The following ZMAT5 variants were observed in gnomAD, a reference collection of about 807,000 sequenced individuals.
ZMAT5 encodes zinc finger matrin-type protein 5.
ZMAT5 carries 23 observed loss-of-function variants against 28.0 expected under a neutral mutation model. The ratio of observed to expected loss-of-function variants is 0.82; its 90% CI spans 0.59 to 1.16. The LOEUF (loss-of-function observed/expected upper bound fraction) is 1.16, where lower values mean the gene tolerates loss of function less well. Among genes scored for constraint, ZMAT5 ranks in the 50% most tolerant of loss-of-function variants. The pLI is 0.00. For synonymous variants in ZMAT5, 76 were observed against 84.1 expected (o/e 0.90, Z 0.52); for missense variants, 173 against 212.7 (o/e 0.81, Z 1.16).
intron 3 of ZMAT5, among the ~76,000 whole-genome samples, chr22:29,741,220 C>T (rs1018093579): frequency 5.3e-5 from 8 of 152,190 alleles, no homozygotes; most frequent in African/African-American, 1.9e-4. Context: ...AAAGAGGCAC[C>T]AAAATCTGGG....
At chr22:29,755,622 C>T (rs1178524149) in intron 1 of ZMAT5, among the ~76,000 whole-genome samples, 1 of 152,114 alleles carries the variant, frequency 6.6e-6, no homozygotes, top group Non-Finnish European at 1.5e-5. Context: ...ATCAAGTGTC[C>T]ATTTTACAGA....
chr22:29,738,197 C>T, intron 5 of ZMAT5, 133 bp downstream of exon 5: 1 of 807,868 alleles, frequency 1.2e-6, no homozygotes, highest in Non-Finnish European at 1.9e-6. Flanking sequence ...CCTCGGGGAG[C>T]TATGTGTAGG....
At chr22:29,763,926 T>C (rs943768925) in intron 1 of ZMAT5, among the ~76,000 whole-genome samples, 3 of 152,124 alleles carry the variant, frequency 2.0e-5, no homozygotes, top group African/African-American at 7.2e-5. Flanking sequence ...CACTCCAGCC[T>C]GGGCAACAGA....
At chr22:29,732,981 T>C (rs2067866449) in intron 5 of ZMAT5, among the ~76,000 whole-genome samples, 1 of 152,282 alleles carries the variant, frequency 6.6e-6, no homozygotes, top group East Asian at 1.9e-4. Flanking sequence ...TGAAAGATCT[T>C]ACTGACCAGG....
Position 29,755,018 on chromosome 22 carries a change from G to A in ZMAT5, c.-27-6447C>T, listed in dbSNP as rs187757437. Among the ~76,000 whole-genome samples, 269 of 151,872 alleles carry A rather than the reference G, an allele frequency of 1.8e-3. 1 individual carries two copies. The highest frequency in any genetic ancestry group is 5.5e-3 in the African/African-American group (229 of 41,416). On this transcript the variant is annotated intron_variant, in intron 1 of 5. Coordinates refer to ENST00000344318, the MANE Select transcript of ZMAT5 (RefSeq NM_001003692.2). ...CCACTTTAAAATCGCAGTCAAGGCC[G>A]GGCACGGTGGCTCATGTCTGTAATC... is the stretch of plus-strand genomic sequence containing the variant.
chr22:29,759,678 G>A (rs1313234666), intron 1 of ZMAT5, among the ~76,000 whole-genome samples: 1 of 152,068 alleles, frequency 6.6e-6, no homozygotes, highest in Non-Finnish European at 1.5e-5. Context: ...GCTAAGATGG[G>A]AGGATCACTG....
intron 1 of ZMAT5, among the ~76,000 whole-genome samples, chr22:29,765,955 T>TGAC (rs747403572): frequency 1.6e-4 from 24 of 152,232 alleles, no homozygotes; most frequent in Non-Finnish European, 2.5e-4. Flanking sequence ...GCCAGGATGA[T>TGAC]GACATTAAAG....
intron 5 of ZMAT5, among the ~76,000 whole-genome samples, chr22:29,732,266 C>T (rs960120230): frequency 1.3e-5 from 2 of 152,220 alleles, no homozygotes; most frequent in African/African-American, 2.4e-5. Context: ...GCTGCCTATA[C>T]AAGACCTTTC....
intron 5 of ZMAT5, among the ~76,000 whole-genome samples, chr22:29,736,013 G>A (rs764037744): frequency 3.9e-5 from 6 of 152,194 alleles, no homozygotes; most frequent in Non-Finnish European, 8.8e-5. Context: ...TCTGTGACTC[G>A]CTCCCAGCGG....
intron 2 of ZMAT5, chr22:29,746,382 C>T (rs1655318008): frequency 6.6e-6 from 1 of 152,218 alleles, no homozygotes; most frequent in Admixed American, 6.5e-5. Flanking sequence ...CTCCTGACCT[C>T]AGGTGATCCA....
At chr22:29,757,309 T>A (rs1601729225) in intron 1 of ZMAT5, among the ~76,000 whole-genome samples, 1 of 146,880 alleles carries the variant, frequency 6.8e-6, no homozygotes, top group Non-Finnish European at 1.5e-5. Flanking sequence ...ACAGAGAGGG[T>A]GAGAGCATGC....
chr22:29,750,110 G>A (rs528634373), intron 1 of ZMAT5, among the ~76,000 whole-genome samples: 1 of 152,298 alleles, frequency 6.6e-6, no homozygotes, highest in South Asian at 2.1e-4. Context: ...TTTGTTTACT[G>A]CTGGAGCCCC....
intron 1 of ZMAT5, among the ~76,000 whole-genome samples, chr22:29,766,031 A>C (rs1030802125): frequency 1.3e-5 from 2 of 152,134 alleles, no homozygotes; most frequent in Non-Finnish European, 2.9e-5. Context: ...CAACTAGAAA[A>C]AGACAAGACT....
At chr22:29,743,366 C>T (rs1352212199) in intron 2 of ZMAT5, among the ~76,000 whole-genome samples, 2 of 152,148 alleles carry the variant, frequency 1.3e-5, no homozygotes, top group Admixed American at 6.5e-5. Context: ...TTCCGACAAT[C>T]ACTCTGTAGC....
chr22:29,765,875 T>C (rs1173241301), intron 1 of ZMAT5, among the ~76,000 whole-genome samples: 1 of 151,978 alleles, frequency 6.6e-6, no homozygotes, highest in Non-Finnish European at 1.5e-5. Flanking sequence ...CTCAAATAAA[T>C]AACCACCCAT....
chr22:29,746,724 G>T (rs1040133505), intron 2 of ZMAT5: 2 of 152,234 alleles, frequency 1.3e-5, no homozygotes, highest in African/African-American at 4.8e-5. Context: ...GGGCACTCCT[G>T]TCACCTGCTG....
chr22:29,731,380 G>A (rs368576041), intron 5 of ZMAT5, 26 bp from the exon 6 acceptor site: 34 of 1,539,518 alleles, frequency 2.2e-5, no homozygotes, highest in African/African-American at 7.2e-5. Flanking sequence ...GAAGCGGGGA[G>A]AATAAGAGTG....
chr22:29,736,135 G>A (rs1333663699), intron 5 of ZMAT5, among the ~76,000 whole-genome samples: 1 of 152,226 alleles, frequency 6.6e-6, no homozygotes, highest in Non-Finnish European at 1.5e-5. Flanking sequence ...CGGTGCAGGG[G>A]CCAGAGCTTT....
At chr22:29,746,004 G>A (rs982915100) in intron 2 of ZMAT5, among the ~76,000 whole-genome samples, 2 of 152,038 alleles carry the variant, frequency 1.3e-5, no homozygotes, top group Admixed American at 6.6e-5. Context: ...ACAGGGTCCC[G>A]CTCTGTTGCC....
Sources: gnomAD v4.1 joint callset for allele counts (sites outside exome capture counted in the v4.1 genomes callset) on GRCh38, gnomAD v4.1.1 for gene constraint, MANE v1.5 for transcripts, NCBI Gene and HGNC (gene_info 2026-07-23, HGNC 2026-07-21) for gene names.